PRKAG2: variants seen among roughly 807,000 people sequenced by gnomAD.
PRKAG2 encodes protein kinase AMP-activated non-catalytic subunit gamma 2.
A neutral mutation model predicts 69.6 loss-of-function variants in PRKAG2; 26 were observed. The ratio of observed to expected loss-of-function variants is 0.37; its 90% CI spans 0.27 to 0.52. PRKAG2 has a LOEUF of 0.52. PRKAG2 is among the 20% of genes least tolerant of loss of function. PRKAG2 has a pLI of 0.90. For missense variants in PRKAG2, 557 were observed against 740.0 expected (o/e 0.75, Z 2.87); for synonymous variants, 293 against 285.0 (o/e 1.03, Z -0.28).
chr7:151,854,960 ATAC>A (rs1206284911), intron 1 of PRKAG2, among the ~76,000 whole-genome samples: 14 of 133,806 alleles, frequency 1.0e-4, no homozygotes, highest in African/African-American at 3.6e-4. Context: ...CACTCTCCAC[ATAC>A]CACCCTCCAC....
intron 15 of PRKAG2, chr7:151,557,898 A>C (rs1307488558): frequency 2.4e-4 from 232 of 981,210 alleles, no homozygotes; most frequent in Non-Finnish European, 2.7e-4. Context: ...AAACAAAAAA[A>C]CAAAAAAAAA....
chr7:151,795,857 AT>A (rs769538650), intron 1 of PRKAG2, among the ~76,000 whole-genome samples: 13,272 of 122,690 alleles, frequency 0.11, 1,256 homozygotes, highest in East Asian at 0.21. Context: ...ATATATATAT[AT>A]ATATATATAT....
intron 1 of PRKAG2, among the ~76,000 whole-genome samples, chr7:151,816,753 C>T (rs1284509017): frequency 1.3e-5 from 2 of 152,252 alleles, no homozygotes; most frequent in Admixed American, 1.3e-4. Context: ...TCAATATTTT[C>T]TCCTGCTGGT....
At chr7:151,568,219 C>A (rs759835641) in intron 11 of PRKAG2, among the ~76,000 whole-genome samples, 1 of 152,202 alleles carries the variant, frequency 6.6e-6, no homozygotes, top group Non-Finnish European at 1.5e-5. Flanking sequence ...CTTATTTGGA[C>A]CAACATGGTA....
At chr7:151,838,033 C>T (rs543414708) in intron 1 of PRKAG2, among the ~76,000 whole-genome samples, 5 of 151,600 alleles carry the variant, frequency 3.3e-5, no homozygotes, top group South Asian at 2.1e-4. Flanking sequence ...CACAGGACCC[C>T]GGAGGAGGCC....
At chr7:151,876,151 C>T (rs1586766556) in intron 1 of PRKAG2, among the ~76,000 whole-genome samples, 2 of 151,568 alleles carry the variant, frequency 1.3e-5, no homozygotes, top group East Asian at 3.9e-4. Context: ...CAGTCCACAC[C>T]GTCCCTTTTC....
intron 3 of PRKAG2, chr7:151,735,880 G>A (rs1439692754): frequency 2.1e-5 from 33 of 1,536,012 alleles, no homozygotes; most frequent in East Asian, 1.5e-4. Context: ...CCAGGGGCTC[G>A]GGAATGGGCA....
intron 3 of PRKAG2, among the ~76,000 whole-genome samples, chr7:151,732,385 T>TCCTGGACTCAA (rs1799096880): frequency 2.0e-5 from 3 of 152,032 alleles, no homozygotes; most frequent in Middle Eastern, 3.4e-3. Flanking sequence ...ACGAGCCACG[T>TCCTGGACTCAA]ACCTCCGCCT....
Position 151,732,122 on chromosome 7 carries a change from A to G in PRKAG2, c.466+49030T>C, listed in dbSNP as rs548346742. On this transcript the variant is annotated intron_variant, in intron 3 of 15. Transcript: ENST00000287878. ...AAGTGTTGGATCACAGGCATGAGCC[A>G]CAGCACCTGGCTTTTTTTTTTTTTT... Among the ~76,000 whole-genome samples the G allele has an allele frequency of 5.2e-3, 739 of 143,488 alleles. 5 individuals are homozygous for G. The highest frequency in any genetic ancestry group is 0.018 in the African/African-American group (705 of 38,208). The allele number at this position is 143,488 out of a possible 152,430, so 94.1% of individuals were successfully genotyped here.
chr7:151,728,176 G>A (rs1798315640), intron 3 of PRKAG2, among the ~76,000 whole-genome samples: 1 of 152,090 alleles, frequency 6.6e-6, no homozygotes, highest in Non-Finnish European at 1.5e-5. Flanking sequence ...CAGTCCCCAG[G>A]GCCCCAAGAA....
intron 3 of PRKAG2, among the ~76,000 whole-genome samples, chr7:151,679,037 G>T (rs1270974397): frequency 6.6e-6 from 1 of 152,122 alleles, no homozygotes; most frequent in Non-Finnish European, 1.5e-5. Flanking sequence ...GCTTTGAGGT[G>T]GGGTGGGGAG....
rs763144065 is a variant in PRKAG2 at position 151,781,260 on chromosome 7, G to A, written c.358C>T (p.Arg120Cys). Reference protein sequence around the residue: ...YQESPPRSPRRMSFSGIFRSS... With the variant: ...YQESPPRSPRCMSFSGIFRSS... ...CGGAAGATCCCACTGAAGCTCATGC[G>A]TCGAGGGGAGCGTGGCGGGGACTCC... Residue 120 changes from arginine (R) to cysteine (C), a missense_variant, in exon 3 of 16, where the codon CGC becomes TGC. Arg to Cys is a radical substitution (Grantham distance 180, BLOSUM62 -3). This residue lies in a region of PRKAG2 where 352 missense variants were observed against 356.7 expected (regional missense o/e 0.99). Coordinates refer to ENST00000287878, the MANE Select transcript of PRKAG2 (RefSeq NM_016203.4). This position sits in a 1 kb window ranked among gnomAD's most constrained non-coding sequence, Gnocchi z 6.1. 9.9e-6 allele frequency: 16 copies of A among 1,614,126 alleles called. No homozygotes were observed. Among genetic ancestry groups the A allele is most frequent in the Middle Eastern group, 1.6e-4 (1 of 6,062 alleles).
At chr7:151,639,541 G>A (rs1352987924) in intron 4 of PRKAG2, among the ~76,000 whole-genome samples, 1 of 152,182 alleles carries the variant, frequency 6.6e-6, no homozygotes, top group Non-Finnish European at 1.5e-5. Flanking sequence ...CTAATTAGCT[G>A]GGGGCCTGGA....
intron 1 of PRKAG2, among the ~76,000 whole-genome samples, chr7:151,859,532 T>C (rs1029793862): frequency 6.6e-6 from 1 of 152,130 alleles, no homozygotes; most frequent in Non-Finnish European, 1.5e-5. Context: ...GGCCATGGGA[T>C]TAGCGAATAG....
At chr7:151,568,985 C>T (rs916658146) in intron 10 of PRKAG2, 143 bp from the exon 11 acceptor site, 2 of 981,026 alleles carry the variant, frequency 2.0e-6, no homozygotes, top group Non-Finnish European at 3.1e-6. Flanking sequence ...TTAGAGATCT[C>T]AGCAAATTTT....
At chr7:151,830,551 C>T (rs1171577884) in intron 1 of PRKAG2, among the ~76,000 whole-genome samples, 1 of 151,890 alleles carries the variant, frequency 6.6e-6, no homozygotes, top group Non-Finnish European at 1.5e-5. Flanking sequence ...CCTGAAAGGC[C>T]CCTACAGTGT....
At chr7:151,642,631 T>A (rs569376090) in intron 4 of PRKAG2, among the ~76,000 whole-genome samples, 1 of 152,362 alleles carries the variant, frequency 6.6e-6, no homozygotes, top group South Asian at 2.1e-4. Flanking sequence ...CAATTTCAGA[T>A]GCTATAAATA....
chr7:151,761,222 C>T (rs1282131847), intron 3 of PRKAG2, among the ~76,000 whole-genome samples: 2 of 152,134 alleles, frequency 1.3e-5, no homozygotes, highest in African/African-American at 4.8e-5. Flanking sequence ...ACTAGCCCTT[C>T]CCCAAACTAA....
chr7:151,713,586 AT>A (rs200647217), intron 3 of PRKAG2, among the ~76,000 whole-genome samples: 2,285 of 142,006 alleles, frequency 0.016, 51 homozygotes, highest in African/African-American at 0.048. Flanking sequence ...TGCTTTTTTA[AT>A]TTTTTTTTTT....
Sources: gnomAD v4.1 joint callset for allele counts (sites outside exome capture counted in the v4.1 genomes callset) on GRCh38, gnomAD v4.1.1 for gene constraint, gnomAD v4.1.1 regional missense constraint, Gnocchi (gnomAD v3.1) non-coding constraint, MANE v1.5 for transcripts, NCBI Gene and HGNC (gene_info 2026-07-23, HGNC 2026-07-21) for gene names.